LYRM4: variants seen among roughly 807,000 people sequenced by gnomAD.
LYRM4 encodes the protein LYR motif-containing protein 4.
A neutral mutation model predicts 11.7 loss-of-function variants in LYRM4; 9 were observed. The ratio of observed to expected loss-of-function variants is 0.77; its 90% confidence interval spans 0.46 to 1.34. The LOEUF (loss-of-function observed/expected upper bound fraction) is 1.34, where lower values mean the gene tolerates loss of function less well. Ranked by LOEUF, LYRM4 falls within the 40% of genes most tolerant of loss-of-function variation. The pLI is 0.00. For missense variants in LYRM4, 133 were observed against 112.5 expected (o/e 1.18, Z -0.82); for synonymous variants, 42 against 40.4 (o/e 1.04, Z -0.15).
At chr6:5,202,243 C>G (rs1377918108) in intron 2 of LYRM4, among the ~76,000 whole-genome samples, 2 of 152,244 alleles carry the variant, frequency 1.3e-5, no homozygotes, top group Non-Finnish European at 2.9e-5. Flanking sequence ...TCTGAATTCA[C>G]ATACATAGAA....
chr6:5,169,127 C>A (rs918526368), intron 2 of LYRM4, among the ~76,000 whole-genome samples: 7 of 152,118 alleles, frequency 4.6e-5, no homozygotes, highest in African/African-American at 1.7e-4. Flanking sequence ...CAAGTTCTCA[C>A]TATGCTACCC....
the LYRM4 span, among the ~76,000 whole-genome samples, chr6:5,068,450 C>T: frequency 2.2e-4 from 34 of 152,248 alleles, no homozygotes; most frequent in African/African-American, 7.7e-4. This position sits in a 1 kb window ranked among gnomAD's most constrained non-coding sequence, Gnocchi z 4.0. Flanking sequence ...CATGGGTGAG[C>T]GCAAACATAA....
chr6:5,195,094 T>C (rs1760974020), intron 2 of LYRM4, among the ~76,000 whole-genome samples: 1 of 152,202 alleles, frequency 6.6e-6, no homozygotes. Context: ...CTTATTAAAA[T>C]ACACACAATA....
chr6:5,127,672 T>C (rs140667577), intron 2 of LYRM4, among the ~76,000 whole-genome samples: 64 of 152,360 alleles, frequency 4.2e-4, no homozygotes, highest in African/African-American at 1.4e-3. Flanking sequence ...CTTTTAAATA[T>C]ACTGGGTTAA....
intron 2 of LYRM4, among the ~76,000 whole-genome samples, chr6:5,145,527 C>T (rs1757672400): frequency 1.3e-5 from 2 of 152,180 alleles, no homozygotes; most frequent in African/African-American, 4.8e-5. Context: ...TGCGGAATTT[C>T]TCTGCCACAC....
At chr6:5,160,727 T>C (rs1351719638) in intron 2 of LYRM4, among the ~76,000 whole-genome samples, 2 of 152,018 alleles carry the variant, frequency 1.3e-5, no homozygotes, top group African/African-American at 4.8e-5. Context: ...CTTGGGCATG[T>C]CTTTATTATG....
the LYRM4 span, chr6:5,032,806 AT>A: frequency 6.6e-6 from 1 of 152,114 alleles, no homozygotes; most frequent in East Asian, 1.9e-4. Flanking sequence ...TGCAGCCCAA[AT>A]GTGCTGTGGC....
intron 2 of LYRM4, among the ~76,000 whole-genome samples, chr6:5,152,756 C>G (rs1758162900): frequency 6.6e-6 from 1 of 152,190 alleles, no homozygotes; most frequent in Admixed American, 6.5e-5. Context: ...CTGGGGAAAG[C>G]CTTCCTCTTG....
intron 2 of LYRM4, among the ~76,000 whole-genome samples, chr6:5,153,524 G>C (rs1364562397): frequency 6.6e-6 from 1 of 152,150 alleles, no homozygotes; most frequent in Non-Finnish European, 1.5e-5. Context: ...GGTGTGACCG[G>C]GGGCAACTCA....
chr6:5,153,597 C>A (rs928598164), intron 2 of LYRM4, among the ~76,000 whole-genome samples: 4 of 152,174 alleles, frequency 2.6e-5, no homozygotes, highest in African/African-American at 9.7e-5. Flanking sequence ...TACCTCCTGA[C>A]GAGTAAAGCC....
chr6:5,208,476 G>A (rs545695753), intron 2 of LYRM4, among the ~76,000 whole-genome samples: 65 of 152,326 alleles, frequency 4.3e-4, no homozygotes, highest in Middle Eastern at 3.4e-3. Flanking sequence ...TCTTGCAAAA[G>A]TTTTCTATAC....
At chr6:5,101,166 T>C (rs1762488121), downstream of LYRM4, among the ~76,000 whole-genome samples, 2 of 152,214 alleles carry the variant, frequency 1.3e-5, no homozygotes, top group African/African-American at 4.8e-5. Flanking sequence ...ATGGCTCAGG[T>C]AGAAGTAGTT....
chr6:5,187,780 C>T (rs1177151102), intron 2 of LYRM4, among the ~76,000 whole-genome samples: 1 of 151,742 alleles, frequency 6.6e-6, no homozygotes, highest in Non-Finnish European at 1.5e-5. Context: ...AAATAAAAGA[C>T]AGGTTTTTAT....
At chr6:5,200,705 T>C (rs1017885565) in intron 2 of LYRM4, among the ~76,000 whole-genome samples, 4 of 152,182 alleles carry the variant, frequency 2.6e-5, no homozygotes, top group Non-Finnish European at 4.4e-5. Flanking sequence ...CCCTCTCTAG[T>C]TCATTGTAAG....
At chr6:5,092,555 T>TG in the LYRM4 span, among the ~76,000 whole-genome samples, 1 of 58,466 alleles carries the variant, frequency 1.7e-5, no homozygotes, top group African/African-American at 8.8e-5. Context: ...ACTAAAAATA[T>TG]GAAAAAAAAA....
At chr6:5,041,773 G>A in the LYRM4 span, among the ~76,000 whole-genome samples, 1,148 of 152,292 alleles carry the variant, frequency 7.5e-3, 16 homozygotes, top group African/African-American at 0.026. Flanking sequence ...AAAATATGGT[G>A]CATTCTGCTT....
chr6:5,036,342 T>C, the LYRM4 span, among the ~76,000 whole-genome samples: 6 of 152,132 alleles, frequency 3.9e-5, no homozygotes, highest in Admixed American at 6.5e-5. Context: ...GCCTAGGAGA[T>C]AGGAGGGAAA....
chr6:5,156,354 G>A (rs1581397497), intron 2 of LYRM4, among the ~76,000 whole-genome samples: 1 of 152,224 alleles, frequency 6.6e-6, no homozygotes, highest in Non-Finnish European at 1.5e-5. Context: ...TAATGGTCCA[G>A]GTCTTTGGAG....
chr6:5,232,905 C>T (rs1763324853), intron 1 of LYRM4, among the ~76,000 whole-genome samples: 1 of 152,210 alleles, frequency 6.6e-6, no homozygotes, highest in Non-Finnish European at 1.5e-5. Flanking sequence ...GGGTGTTTAG[C>T]ATCCATGTGA....
Sources: allele counts gnomAD v4.1 joint callset (sites outside exome capture counted in the v4.1 genomes callset), GRCh38; gene constraint gnomAD v4.1.1; non-coding constraint Gnocchi (gnomAD v3.1); transcripts MANE v1.5; gene names NCBI Gene and HGNC (gene_info 2026-07-23, HGNC 2026-07-21).